Variants in CNTN4 observed in about 807,000 individuals in gnomAD.
CNTN4 encodes contactin 4.
A neutral mutation model predicts 122.5 loss-of-function variants in CNTN4; 77 were observed. That is an observed-to-expected ratio of 0.63 (90% CI 0.52 to 0.76). The LOEUF is 0.76. CNTN4 is among the 30% of genes least tolerant of loss of function. CNTN4 has a pLI of 0.00. For missense variants in CNTN4, 1,256 were observed against 1,259.1 expected (o/e 1.00, Z 0.04); for synonymous variants, 512 against 447.0 (o/e 1.15, Z -1.83).
intron 13 of CNTN4, among the ~76,000 whole-genome samples, chr3:2,968,789 G>A (rs1377192949): frequency 6.6e-6 from 1 of 152,138 alleles, no homozygotes; most frequent in African/African-American, 2.4e-5. Flanking sequence ...ATCAGGATGG[G>A]CACCCATGTT....
intron 14 of CNTN4, among the ~76,000 whole-genome samples, chr3:2,993,079 A>G (rs1317842658): frequency 6.6e-6 from 1 of 152,178 alleles, no homozygotes; most frequent in Non-Finnish European, 1.5e-5. Context: ...CCTGTTTTAT[A>G]TACCCCAGGG....
intron 4 of CNTN4, among the ~76,000 whole-genome samples, chr3:2,704,151 G>A (rs1000396091): frequency 6.6e-6 from 1 of 151,686 alleles, no homozygotes; most frequent in African/African-American, 2.4e-5. Flanking sequence ...ACAAAAATTA[G>A]CCAGGTGTGG....
chr3:2,615,042 C>T (rs1004019412), intron 4 of CNTN4, among the ~76,000 whole-genome samples: 2 of 152,068 alleles, frequency 1.3e-5, no homozygotes, highest in East Asian at 1.9e-4. Flanking sequence ...GGCTCATTTC[C>T]TCAAAGTTTC....
chr3:2,198,004 C>A (rs1026419135), intron 2 of CNTN4, among the ~76,000 whole-genome samples: 3 of 143,938 alleles, frequency 2.1e-5, no homozygotes, highest in African/African-American at 7.8e-5. Context: ...AACAGAGGAA[C>A]AGAGGCAACA....
chr3:2,330,640 A>C (rs2043680802), intron 2 of CNTN4, among the ~76,000 whole-genome samples: 1 of 152,204 alleles, frequency 6.6e-6, no homozygotes, highest in African/African-American at 2.4e-5. Context: ...AGAGAATCTA[A>C]GTAATTTGTG....
intron 3 of CNTN4, among the ~76,000 whole-genome samples, chr3:2,349,158 C>A (rs1032785): frequency 6.6e-6 from 1 of 152,070 alleles, no homozygotes; most frequent in Non-Finnish European, 1.5e-5. Flanking sequence ...ACCATCATAT[C>A]TTATTATACC....
At chr3:2,584,995 T>C (rs889847038) in intron 4 of CNTN4, among the ~76,000 whole-genome samples, 1 of 152,160 alleles carries the variant, frequency 6.6e-6, no homozygotes, top group Admixed American at 6.6e-5. Flanking sequence ...ACCAAGTCTG[T>C]TGGGCAATCT....
At chr3:2,513,894 C>T (rs1268663064) in intron 3 of CNTN4, among the ~76,000 whole-genome samples, 1 of 152,022 alleles carries the variant, frequency 6.6e-6, no homozygotes, top group Non-Finnish European at 1.5e-5. Flanking sequence ...ACAATTTGGT[C>T]TTCAAAATAA....
chr3:2,817,651 C>G (rs1184581541), intron 6 of CNTN4, among the ~76,000 whole-genome samples: 1 of 152,082 alleles, frequency 6.6e-6, no homozygotes, highest in Non-Finnish European at 1.5e-5. Context: ...TAATCAGAAA[C>G]CATGATTGGT....
intron 3 of CNTN4, among the ~76,000 whole-genome samples, chr3:2,420,015 A>C (rs1467764608): frequency 6.6e-6 from 1 of 152,176 alleles, no homozygotes; most frequent in Non-Finnish European, 1.5e-5. Context: ...TGACATCTGG[A>C]AGACAGTCTG....
chr3:2,306,129 T>G (rs1276012236), intron 2 of CNTN4, among the ~76,000 whole-genome samples: 1 of 152,170 alleles, frequency 6.6e-6, no homozygotes, highest in Non-Finnish European at 1.5e-5. Flanking sequence ...TATGCTTTTA[T>G]TTTGCTTAGA....
At chr3:2,201,313 G>T (rs1204442775) in intron 2 of CNTN4, among the ~76,000 whole-genome samples, 3 of 152,120 alleles carry the variant, frequency 2.0e-5, no homozygotes, top group African/African-American at 7.2e-5. Flanking sequence ...GTTCTTAATT[G>T]GGTACAAGAT....
intron 2 of CNTN4, among the ~76,000 whole-genome samples, chr3:2,103,604 G>A (rs2032176794): frequency 6.6e-6 from 1 of 152,136 alleles, no homozygotes; most frequent in Non-Finnish European, 1.5e-5. Context: ...AGGTTTTTCA[G>A]CTAAAATAGC....
intron 5 of CNTN4, among the ~76,000 whole-genome samples, chr3:2,743,112 T>C (rs1427270450): frequency 6.6e-6 from 1 of 152,152 alleles, no homozygotes; most frequent in Non-Finnish European, 1.5e-5. Flanking sequence ...ACCACTTTTC[T>C]AAAAAGACTC....
chr3:2,119,343 T>C (rs1293584091), intron 2 of CNTN4, among the ~76,000 whole-genome samples: 1 of 152,244 alleles, frequency 6.6e-6, no homozygotes, highest in African/African-American at 2.4e-5. Context: ...GTTTTGTTTC[T>C]GTGGAGAACC....
chr3:2,607,126 A>G (rs181634414), intron 4 of CNTN4, among the ~76,000 whole-genome samples: 4 of 152,240 alleles, frequency 2.6e-5, no homozygotes, highest in Admixed American at 2.0e-4. Context: ...TTCCAAGGCC[A>G]CCTTTTTTTG....
At chr3:2,247,245 A>G (rs969093926) in intron 2 of CNTN4, among the ~76,000 whole-genome samples, 2 of 152,012 alleles carry the variant, frequency 1.3e-5, no homozygotes, top group Non-Finnish European at 2.9e-5. Flanking sequence ...AGAGTGTTGA[A>G]TGTTCAAAAG....
intron 3 of CNTN4, among the ~76,000 whole-genome samples, chr3:2,521,345 C>CCCCCCCCCA (rs2077209769): frequency 3.6e-5 from 1 of 27,820 alleles, no homozygotes; most frequent in African/African-American, 1.6e-4. Context: ...TCTACCCATC[C>CCCCCCCCCA]CCCCCACCCC....
intron 8 of CNTN4, among the ~76,000 whole-genome samples, chr3:2,881,149 G>A (rs1261752516): frequency 2.6e-5 from 4 of 152,122 alleles, no homozygotes; most frequent in South Asian, 4.2e-4. Context: ...AGACACCCAG[G>A]GTTGATTCTG....
Sources: allele counts gnomAD v4.1 joint callset (sites outside exome capture counted in the v4.1 genomes callset), GRCh38; gene constraint gnomAD v4.1.1; transcripts MANE v1.5; gene names NCBI Gene and HGNC (gene_info 2026-07-23, HGNC 2026-07-21).